Variants in EXT1 observed in about 807,000 individuals in gnomAD.
EXT1 encodes exostosin glycosyltransferase 1.
EXT1 carries 20 observed loss-of-function variants against 82.5 expected under a neutral mutation model. The ratio of observed to expected loss-of-function variants is 0.24; its 90% CI spans 0.17 to 0.35. EXT1 has a LOEUF of 0.35. Among genes scored for constraint, EXT1 ranks in the 10% least tolerant of loss-of-function variants. The probability of loss-of-function intolerance (pLI) is 1.00; values close to 1 mark genes in which losing one functional copy is unlikely to be tolerated. For missense variants in EXT1, 757 were observed against 936.5 expected, an observed-to-expected ratio of 0.81 and a Z score of 2.50; for synonymous variants, 348 against 350.8, an observed-to-expected ratio of 0.99 and a Z score of 0.09.
chr8:118,100,851 C>T (rs746364077), intron 1 of EXT1, among the ~76,000 whole-genome samples: 5 of 152,104 alleles, frequency 3.3e-5, no homozygotes, highest in Non-Finnish European at 7.4e-5. Flanking sequence ...CTGACTGCCC[C>T]AGGGATCCCC....
At position 117,837,166 on chromosome 8, in the gene EXT1, A is replaced by G. The variant is rs1812201240; in HGVS notation, c.998T>C (p.Phe333Ser). 1 of 1,613,946 alleles carries G rather than the reference A, an allele frequency of 6.2e-7. No individual in the cohort carries two copies. The highest frequency in any genetic ancestry group is 1.3e-5 in the African/African-American group (1 of 74,926). The change falls in exon 2 of 11, where the codon TTC (phenylalanine) becomes TCC (serine). Residue 333 changes from phenylalanine to serine, a missense_variant. Coordinates refer to ENST00000378204, the MANE Select transcript of EXT1 (RefSeq NM_000127.3). Reference protein sequence around the residue: ...DYREMLHNATFCLVPRGRRLG... With the variant: ...DYREMLHNATSCLVPRGRRLG... ...CCTGCGACCACGAGGAACCAGACAG[A>G]AAGTGGCATTGTGCAGCATTTCCCG...
chr8:118,111,399 C>T lies in EXT1; in HGVS notation c.-353G>A. 1.8e-6 allele frequency: 1 copy of T among 554,020 alleles called. No homozygotes were observed. The highest frequency in any genetic ancestry group is 2.6e-5 in the South Asian group (1 of 39,050). 34.3% of individuals were successfully genotyped at this position (554,020 alleles called of 1,614,324 possible). The stretch of plus-strand genomic sequence containing the variant: ...GGAGAAAAAAAAAGCTCCCGATACC[C>T]AATCAATGGCAAGACGAAGTGATTG... On this transcript the variant is annotated 5_prime_UTR_variant, in exon 1 of 11. Transcript: ENST00000378204.
chr8:117,923,965 TA>T (rs1409290218), intron 1 of EXT1, among the ~76,000 whole-genome samples: 1 of 152,180 alleles, frequency 6.6e-6, no homozygotes. Flanking sequence ...ATCGTTGATA[TA>T]CTGAGAATAA....
intron 1 of EXT1, among the ~76,000 whole-genome samples, chr8:117,865,930 A>G (rs910526788): frequency 6.6e-6 from 1 of 152,224 alleles, no homozygotes; most frequent in African/African-American, 2.4e-5. Flanking sequence ...TATTCTCAAC[A>G]TACAAGAAGT....
At chr8:117,993,383 C>A (rs189313524) in intron 1 of EXT1, among the ~76,000 whole-genome samples, 2 of 152,302 alleles carry the variant, frequency 1.3e-5, no homozygotes, top group African/African-American at 4.8e-5. Flanking sequence ...CAGGATACAG[C>A]CAGGCCAGCC....
intron 10 of EXT1, among the ~76,000 whole-genome samples, chr8:117,802,742 T>C (rs1255137564): frequency 6.6e-6 from 1 of 152,200 alleles, no homozygotes. Flanking sequence ...AATTCGAATA[T>C]TCTCTCAGCC....
chr8:117,869,493 C>G (rs1012513443), intron 1 of EXT1, among the ~76,000 whole-genome samples: 3 of 152,172 alleles, frequency 2.0e-5, no homozygotes, highest in African/African-American at 7.2e-5. Flanking sequence ...TCCAAAGTAT[C>G]TACCTCCTTG....
intron 1 of EXT1, among the ~76,000 whole-genome samples, chr8:117,865,541 T>G (rs1195049598): frequency 1.3e-5 from 2 of 152,208 alleles, no homozygotes; most frequent in African/African-American, 4.8e-5. Flanking sequence ...GAGATTTATT[T>G]CCTTCATCCT....
At chr8:117,934,633 C>G (rs1480181153) in intron 1 of EXT1, among the ~76,000 whole-genome samples, 1 of 152,204 alleles carries the variant, frequency 6.6e-6, no homozygotes, top group Non-Finnish European at 1.5e-5. Flanking sequence ...CAGCTTCTGG[C>G]TAGAGAATGA....
Position 118,110,864 on chromosome 8 carries a change from A to G in EXT1, c.183T>C (p.Ala61=), listed in dbSNP as rs2130045081. Residue 61 remains alanine (A), a synonymous_variant, in exon 1 of 11, where the codon GCT becomes GCC. Transcript: ENST00000378204. The part of the protein sequence containing the change: ...PDHFWPRFPD[A]LRPFVPWDQL... ...GATCCCAAGGAACGAAGGGGCGCAG[A>G]GCGTCCGGGAAGCGGGGCCAGAAAT... 6.2e-7 allele frequency: 1 copy of G among 1,613,122 alleles called. No homozygotes were observed.
chr8:117,995,520 C>T (rs17431194), intron 1 of EXT1, among the ~76,000 whole-genome samples: 5,708 of 152,126 alleles, frequency 0.038, 153 homozygotes, highest in Middle Eastern at 0.071. Flanking sequence ...ACGTGGTTGG[C>T]AGGGTAGCTG....
chr8:117,981,911 A>AGGAG (rs1157617614), intron 1 of EXT1, among the ~76,000 whole-genome samples: 2 of 151,960 alleles, frequency 1.3e-5, no homozygotes, highest in African/African-American at 2.4e-5. Context: ...GAGGGAGAGA[A>AGGAG]GGAGGGAGGG....
chr8:117,913,287 C>T (rs1312924541), intron 1 of EXT1, among the ~76,000 whole-genome samples: 1 of 152,104 alleles, frequency 6.6e-6, no homozygotes, highest in African/African-American at 2.4e-5. Context: ...CCCCTAGCTT[C>T]CCTGTCCCCT....
At chr8:117,988,082 T>C (rs560007509) in intron 1 of EXT1, among the ~76,000 whole-genome samples, 5 of 152,314 alleles carry the variant, frequency 3.3e-5, no homozygotes, top group East Asian at 1.9e-4. Flanking sequence ...AGTGAGATCC[T>C]GTCACAAATA....
chr8:118,104,967 C>T (rs781344180), intron 1 of EXT1, among the ~76,000 whole-genome samples: 9 of 152,120 alleles, frequency 5.9e-5, no homozygotes, highest in Admixed American at 2.0e-4. Flanking sequence ...TTCTTCTCTC[C>T]GTGAAAAGAA....
intron 1 of EXT1, among the ~76,000 whole-genome samples, chr8:117,911,732 G>A (rs2129991328): frequency 6.6e-6 from 1 of 152,336 alleles, no homozygotes. Context: ...AGGATACCCA[G>A]AATTCTCCCT....
intron 1 of EXT1, among the ~76,000 whole-genome samples, chr8:117,883,535 G>C (rs1043760507): frequency 6.6e-6 from 1 of 152,168 alleles, no homozygotes; most frequent in African/African-American, 2.4e-5. Flanking sequence ...CGAAAGGCTG[G>C]GACTAATCCT....
At chr8:117,813,736 T>C (rs909844768) in intron 7 of EXT1, among the ~76,000 whole-genome samples, 1 of 152,180 alleles carries the variant, frequency 6.6e-6, no homozygotes, top group Non-Finnish European at 1.5e-5. Flanking sequence ...CCAGGCGTGG[T>C]GGCTCATGAC....
In EXT1 at chr8:118,044,799, G is replaced by A. The variant is rs117739008; in HGVS notation, c.962+65286C>T. On this transcript the variant is annotated intron_variant, in intron 1 of 10. Transcript: ENST00000378204. ...AGCCGTTCTCCAGTCTCGGTCTCCC[G>A]AGTAGCTGGGACTACAGGCGCCCCA... Among the ~76,000 whole-genome samples the A allele has an allele frequency of 5.3e-3, 805 of 152,300 alleles. 4 individuals are homozygous for A. The highest frequency in any genetic ancestry group is 8.5e-3 in the Non-Finnish European group (577 of 68,036).
Sources: allele counts gnomAD v4.1 joint callset (sites outside exome capture counted in the v4.1 genomes callset), GRCh38; gene constraint gnomAD v4.1.1; transcripts MANE v1.5; gene names NCBI Gene and HGNC (gene_info 2026-07-23, HGNC 2026-07-21).